Variants in SGCA observed in about 807,000 individuals in gnomAD.
SGCA encodes the protein sarcoglycan alpha.
Under a neutral mutation model 38.1 loss-of-function variants are expected in SGCA, and 34 were observed. The observed-to-expected ratio is 0.89, with a 90% CI of 0.68 to 1.19. SGCA has a LOEUF of 1.19. Ranked by LOEUF, SGCA falls within the 50% of genes most tolerant of loss-of-function variation. The pLI is 0.00. For synonymous variants in SGCA, 209 were observed against 214.6 expected (o/e 0.97, Z 0.23); for missense variants, 476 against 524.9 (o/e 0.91, Z 0.91).
At chr17:50,171,433 T>C (rs1905382655) in intron 8 of SGCA, 1 of 446,922 alleles carries the variant, frequency 2.2e-6, no homozygotes, top group Admixed American at 2.4e-5. Flanking sequence ...AGATGTGAAA[T>C]AAGTTATGTT....
chr17:50,172,143 G>C (rs1905484762), intron 8 of SGCA: 1 of 456,690 alleles, frequency 2.2e-6, no homozygotes, highest in Non-Finnish European at 4.4e-6. Flanking sequence ...GGTCCTCGCT[G>C]AGGCTTCCTC....
In SGCA at chr17:50,170,240, CA is replaced by C. The variant is rs1490170427; in HGVS notation, c.846del (p.Asp283ThrfsTer38). On this transcript the variant is annotated frameshift_variant, in exon 7 of 10. Transcript: ENST00000262018. LOFTEE classifies it high-confidence loss of function. Reference protein sequence around the residue: ...DPFFCPPTEAPDRDFLVDALV... With the variant: ...DPFFCPPTEAXDRDFLVDALV... ...TTCTTCTGCCCACCCACTGAGGCCCCAGACCGTGACTTCTTGGTGGATGCTC... is the reference window on the plus strand; with the variant it reads ...TTCTTCTGCCCACCCACTGAGGCCCCGACCGTGACTTCTTGGTGGATGCTC... 1.2e-6 allele frequency: 2 copies of C among 1,614,102 alleles called. No individual in the cohort carries two copies. The highest frequency in any genetic ancestry group is 1.7e-6 in the Non-Finnish European group (2 of 1,180,042).
rs1905058337 is a variant in SGCA at position 50,167,928 on chromosome 17, T to G, written c.313-19T>G. 6.2e-7 allele frequency: 1 copy of G among 1,613,134 alleles called. No homozygotes were observed. Among genetic ancestry groups the G allele is most frequent in the Non-Finnish European group, 8.5e-7 (1 of 1,179,240 alleles). On this transcript the variant is annotated intron_variant, in intron 3 of 9. Coordinates refer to ENST00000262018, the MANE Select transcript of SGCA (RefSeq NM_000023.4). This position sits in a 1 kb window ranked among gnomAD's most constrained non-coding sequence, Gnocchi z 4.5. The stretch of plus-strand genomic sequence containing the variant: ...TTTCTCCCCTAACCCACTTCTCAGA[T>G]GTCTTTCCCATCCCCCAGGTCACAG...
At position 50,169,135 on chromosome 17, in the gene SGCA, C is replaced by T; in HGVS notation, c.628C>T (p.Leu210=). 1 of 1,614,014 alleles carries T rather than the reference C, an allele frequency of 6.2e-7. No homozygotes were observed. Among genetic ancestry groups the T allele is most frequent in the Non-Finnish European group, 8.5e-7 (1 of 1,180,004 alleles). ...TTCTGCCTCACCTTTTTCTACTTGC[C>T]TGAAGATGGTGGCATCCCCCGATAG... ...VGSASPFSTC[L]KMVASPDSHA... Residue 210 remains leucine, a synonymous_variant, in exon 6 of 10, where the codon CTG becomes TTG. Transcript: ENST00000262018.
At chr17:50,171,622 C>G (rs758422383) in intron 8 of SGCA, 7 of 456,700 alleles carry the variant, frequency 1.5e-5, no homozygotes, top group Non-Finnish European at 2.6e-5. Context: ...CTGCCCAGAG[C>G]GCCACCTCTG....
chr17:50,175,340 C>T lies in SGCA; in HGVS notation c.1067C>T (p.Pro356Leu). 6.2e-6 allele frequency: 10 copies of T among 1,611,910 alleles called. No homozygotes were observed. Among genetic ancestry groups the T allele is most frequent in the Non-Finnish European group, 8.5e-6 (10 of 1,179,686 alleles). The stretch of plus-strand genomic sequence containing the variant: ...GCGGCCAGCCGCGAGGTGCCCCGGC[C>T]ACTCTCCACCCTGCCCATGTTCAAT... ...QMAASREVPR[P>L]LSTLPMFNVH... Residue 356 changes from proline (P) to leucine (L), a missense_variant, in exon 9 of 10, where the codon CCA becomes CTA. Physicochemically the swap from Pro to Leu is moderately conservative, Grantham distance 98 (BLOSUM62 -3). Transcript: ENST00000262018.
At chr17:50,169,049 C>A in intron 5 of SGCA, 43 bp from the exon 6 acceptor site, 1 of 1,592,356 alleles carries the variant, frequency 6.3e-7, no homozygotes, top group South Asian at 1.1e-5. Flanking sequence ...GCCTCGTGCC[C>A]CCTGCCCCCA....
chr17:50,175,709 C>G lies in SGCA; in HGVS notation c.*13-3C>G, dbSNP rs1381853828. On this transcript the variant is annotated splice_polypyrimidine_tract_variant and splice_region_variant and intron_variant, in intron 9 of 9. Coordinates refer to ENST00000262018, the MANE Select transcript of SGCA (RefSeq NM_000023.4). ...CTCAGCCCTCCACTCTCTCTTCCCA[C>G]AGTGGTTCCAGGTCCAGCCCTGACT... is the stretch of plus-strand genomic sequence containing the variant. 1.6e-6 allele frequency: 1 copy of G among 636,760 alleles called. No homozygotes were observed. The highest frequency in any genetic ancestry group is 2.1e-5 in the Admixed American group (1 of 47,836). The allele number at this position is 636,760 out of a possible 1,614,324, so 39.4% of individuals were successfully genotyped here.
chr17:50,169,301 A>T (rs377689717), intron 6 of SGCA, 47 bp downstream of exon 6: 2 of 1,518,608 alleles, frequency 1.3e-6, no homozygotes, highest in East Asian at 2.3e-5. Flanking sequence ...CATGGCCCCC[A>T]TCCCAGTCCC....
At chr17:50,174,804 CT>C (rs966921324) in intron 8 of SGCA, among the ~76,000 whole-genome samples, 2 of 151,828 alleles carry the variant, frequency 1.3e-5, no homozygotes, top group African/African-American at 2.4e-5. Flanking sequence ...ATAGAGCTTT[CT>C]TTTTTTTGTT....
chr17:50,172,178 C>CT (rs778203237), intron 8 of SGCA: 1 of 457,030 alleles, frequency 2.2e-6, no homozygotes. Flanking sequence ...TCACCTTTAC[C>CT]TGTGTGGCCA....
chr17:50,169,364 C>T lies in SGCA; in HGVS notation c.747+110C>T, dbSNP rs768466052. The T allele has an allele frequency of 1.4e-5, 12 of 875,548 alleles. No homozygotes were observed. The African/African-American group carries it at 2.0e-4, about 15-fold the overall frequency. 54.2% of individuals were successfully genotyped at this position (875,548 alleles called of 1,614,324 possible). A position where few individuals can be genotyped will look rare whatever the true frequency, so the allele number is the denominator to read the frequency against. On this transcript the variant is annotated intron_variant, in intron 6 of 9. Coordinates refer to ENST00000262018, the MANE Select transcript of SGCA (RefSeq NM_000023.4). ...CCGTCTCTCTGATTGCTCCAGTCAC[C>T]ATTTCTTTCCCTGATGCTCTCAGTA...
chr17:50,168,702 C>T (rs1905137494), intron 5 of SGCA, 130 bp downstream of exon 5: 11 of 803,064 alleles, frequency 1.4e-5, no homozygotes, highest in Non-Finnish European at 2.3e-5. Context: ...CTTCACACCC[C>T]TCACCACTCT....
intron 6 of SGCA, 187 bp downstream of exon 6, chr17:50,169,441 A>ACACACACC: frequency 3.4e-6 from 2 of 589,982 alleles, no homozygotes; most frequent in East Asian, 5.7e-5. Context: ...ACACACACAC[A>ACACACACC]CACACCCCTG....
At position 50,175,519 on chromosome 17, in the gene SGCA, ATGG is replaced by A. The variant is rs1336315697; in HGVS notation, c.*12+74_*12+76del. ...GGCCTTTATCACAAGGCTGGGGCAA[ATGG>A]TGGGGTCTGGGAGAGGTCAGGGGAA... On this transcript the variant is annotated intron_variant, in intron 9 of 9. Coordinates refer to ENST00000262018, the MANE Select transcript of SGCA (RefSeq NM_000023.4). 16 of 1,398,188 alleles carry A rather than the reference ATGG, an allele frequency of 1.1e-5. No homozygotes were observed. The East Asian group carries it at 3.5e-4, about 31-fold the overall frequency. 86.6% of individuals were successfully genotyped at this position (1,398,188 alleles called of 1,614,324 possible). A position where few individuals can be genotyped will look rare whatever the true frequency, so the allele number is the denominator to read the frequency against.
intron 8 of SGCA, among the ~76,000 whole-genome samples, chr17:50,174,579 T>C (rs532079651): frequency 4.1e-4 from 62 of 152,184 alleles, no homozygotes; most frequent in African/African-American, 1.4e-3. Context: ...ACTCTTGGCC[T>C]CAAGTGATCC....
At chr17:50,171,330 TGGCC>T in intron 8 of SGCA, 1 of 357,146 alleles carries the variant, frequency 2.8e-6, no homozygotes, top group Admixed American at 3.8e-5. Context: ...TCTCTTATTT[TGGCC>T]TGGTTTCCCC....
chr17:50,174,698 G>A (rs982055575), intron 8 of SGCA, among the ~76,000 whole-genome samples: 1 of 152,086 alleles, frequency 6.6e-6, no homozygotes, highest in South Asian at 2.1e-4. Flanking sequence ...CTAAGGCATG[G>A]AGTGGTTAAG....
rs1456947639 is a variant in SGCA at position 50,167,887 on chromosome 17, C to T, written c.313-60C>T. On this transcript the variant is annotated intron_variant, in intron 3 of 9. Transcript: ENST00000262018. This position sits in a 1 kb window ranked among gnomAD's most constrained non-coding sequence, Gnocchi z 4.5. Reference sequence around the variant, plus strand: ...GGTATCTGAGTCCTCTCCTGCCAGGCCCCCGCTGTGCCACGTTTCTCCCCT... The same window carrying T: ...GGTATCTGAGTCCTCTCCTGCCAGGTCCCCGCTGTGCCACGTTTCTCCCCT... 2.6e-5 allele frequency: 40 copies of T among 1,559,266 alleles called. No homozygotes were observed. The highest frequency in any genetic ancestry group is 3.0e-5 in the Non-Finnish European group (34 of 1,130,120).
Sources: allele counts gnomAD v4.1 joint callset (sites outside exome capture counted in the v4.1 genomes callset), GRCh38; gene constraint gnomAD v4.1.1; non-coding constraint Gnocchi (gnomAD v3.1); transcripts MANE v1.5; gene names NCBI Gene and HGNC (gene_info 2026-07-23, HGNC 2026-07-21).